The following NAV2 variants were observed in gnomAD, a reference collection of about 807,000 sequenced individuals.
The protein encoded by NAV2 is neuron navigator 2, also known as helicase, APC down-regulated 1.
NAV2 carries 54 observed loss-of-function variants against 223.2 expected under a neutral mutation model. That is an observed-to-expected ratio of 0.24 (90% CI 0.19 to 0.30). The LOEUF is 0.30. Among genes scored for constraint, NAV2 ranks in the 10% least tolerant of loss-of-function variants. The pLI is 1.00. For missense variants in NAV2, 2,806 were observed against 3,147.5 expected (o/e 0.89, Z 2.60); for synonymous variants, 1,279 against 1,239.3 (o/e 1.03, Z -0.67).
intron 11 of NAV2, among the ~76,000 whole-genome samples, chr11:19,990,231 A>C (rs902041554): frequency 6.6e-6 from 1 of 152,124 alleles, no homozygotes; most frequent in Non-Finnish European, 1.5e-5. Context: ...AGGGATGCCC[A>C]TTTGTGAATT....
intron 1 of NAV2, among the ~76,000 whole-genome samples, chr11:19,622,699 G>A (rs2047035792): frequency 6.6e-6 from 1 of 152,118 alleles, no homozygotes; most frequent in African/African-American, 2.4e-5. Flanking sequence ...GCACACTGAT[G>A]GGTCTTGACT....
At chr11:19,467,305 A>G (rs1778720560) in intron 1 of NAV2, among the ~76,000 whole-genome samples, 1 of 152,212 alleles carries the variant, frequency 6.6e-6, no homozygotes, top group Admixed American at 6.5e-5. Context: ...TCTATTGACT[A>G]CTGTCAGATA....
At chr11:20,058,545 T>C (rs974634939) in intron 19 of NAV2, among the ~76,000 whole-genome samples, 1 of 152,206 alleles carries the variant, frequency 6.6e-6, no homozygotes, top group African/African-American at 2.4e-5. Flanking sequence ...CAATCATCAC[T>C]AAGAGCTAAT....
At chr11:19,891,733 A>G (rs902386962) in intron 5 of NAV2, among the ~76,000 whole-genome samples, 16 of 152,234 alleles carry the variant, frequency 1.1e-4, no homozygotes, top group African/African-American at 3.9e-4. Flanking sequence ...AGTGGTAGTA[A>G]TTCACCTTCT....
At chr11:20,080,932 T>C (rs781238837) in intron 25 of NAV2, among the ~76,000 whole-genome samples, 1 of 152,226 alleles carries the variant, frequency 6.6e-6, no homozygotes, top group African/African-American at 2.4e-5. Context: ...CTTTAAAGGC[T>C]ACAGAGCTCT....
chr11:19,850,435 T>C (rs566632666), intron 3 of NAV2, among the ~76,000 whole-genome samples: 1 of 152,306 alleles, frequency 6.6e-6, no homozygotes, highest in Admixed American at 6.5e-5. Flanking sequence ...GATGGGTAGA[T>C]GGACAGACGG....
chr11:19,927,770 A>G (rs1196462565), intron 6 of NAV2, among the ~76,000 whole-genome samples: 4 of 152,216 alleles, frequency 2.6e-5, no homozygotes, highest in Non-Finnish European at 4.4e-5. Context: ...CTAGAGTAGC[A>G]TATATCAGAG....
chr11:19,390,214 T>A (rs1464937715), intron 1 of NAV2, among the ~76,000 whole-genome samples: 1 of 152,148 alleles, frequency 6.6e-6, no homozygotes, highest in East Asian at 1.9e-4. Flanking sequence ...CTGTGATGAT[T>A]CTGTTCTGGT....
chr11:19,401,400 G>A (rs1330251921), intron 1 of NAV2, among the ~76,000 whole-genome samples: 2 of 152,166 alleles, frequency 1.3e-5, no homozygotes, highest in Admixed American at 6.5e-5. Flanking sequence ...GTGTTGATAG[G>A]TAAATAAATA....
intron 11 of NAV2, among the ~76,000 whole-genome samples, chr11:20,018,880 C>CG (rs1393567127): frequency 6.6e-6 from 1 of 152,052 alleles, no homozygotes; most frequent in Non-Finnish European, 1.5e-5. Flanking sequence ...AGAAGTGGGC[C>CG]GCCAGTGGGA....
At chr11:19,635,655 T>G (rs1470468049) in intron 1 of NAV2, among the ~76,000 whole-genome samples, 1 of 152,180 alleles carries the variant, frequency 6.6e-6, no homozygotes, top group Non-Finnish European at 1.5e-5. Context: ...AAAGAAAAAC[T>G]TGTATTTATA....
At position 19,786,345 on chromosome 11, in the gene NAV2, G is replaced by A. The variant is rs558084042; in HGVS notation, c.268-46139G>A. 2.7e-4 allele frequency among the ~76,000 whole-genome samples: 41 copies of A among 152,308 alleles called. 1 individual carries two copies. The South Asian group carries it at 6.0e-3, about 22-fold the overall frequency. ...ACACCTGCTATAGCATCAGCACTGG[G>A]AAGTCAGCACTTTAGTCTCCATCAT... On this transcript the variant is annotated intron_variant, in intron 1 of 37. Transcript: ENST00000349880.
intron 1 of NAV2, chr11:19,511,763 C>A (rs961953222): frequency 5.3e-5 from 8 of 152,148 alleles, no homozygotes; most frequent in African/African-American, 1.7e-4. Flanking sequence ...CTCTTGTTGC[C>A]CGGGCCTGGG....
intron 1 of NAV2, among the ~76,000 whole-genome samples, chr11:19,455,698 G>A (rs1333992506): frequency 6.6e-6 from 1 of 152,202 alleles, no homozygotes; most frequent in Non-Finnish European, 1.5e-5. Context: ...GGAAGTGGAG[G>A]AGCTAGAATC....
At chr11:19,695,082 A>G (rs1030582293) in intron 1 of NAV2, among the ~76,000 whole-genome samples, 9 of 152,198 alleles carry the variant, frequency 5.9e-5, no homozygotes, top group Admixed American at 1.3e-4. Flanking sequence ...AGGCCAAGGG[A>G]CACACTGGCA....
intron 1 of NAV2, among the ~76,000 whole-genome samples, chr11:19,575,595 A>G (rs941560161): frequency 7.9e-5 from 12 of 152,116 alleles, no homozygotes; most frequent in African/African-American, 2.7e-4. Context: ...CTACCCCCCT[A>G]TGCAAGTACC....
intron 9 of NAV2, 71 bp downstream of exon 9, chr11:19,946,580 G>T (rs750291400): frequency 1.1e-5 from 14 of 1,301,582 alleles, no homozygotes; most frequent in Non-Finnish European, 1.3e-5. Flanking sequence ...GTTCATAGCA[G>T]TAGCAAAGCG....
chr11:19,913,030 G>A (rs1195586309), intron 6 of NAV2, among the ~76,000 whole-genome samples: 2 of 152,112 alleles, frequency 1.3e-5, no homozygotes, highest in African/African-American at 2.4e-5. Flanking sequence ...CATCAGAGTC[G>A]CCATGAAAGC....
At chr11:19,595,618 G>A (rs754536351) in intron 1 of NAV2, among the ~76,000 whole-genome samples, 12 of 151,528 alleles carry the variant, frequency 7.9e-5, no homozygotes, top group African/African-American at 1.9e-4. Context: ...GCAATGGCAC[G>A]ATCATGACTC....
Sources: gnomAD v4.1 joint callset for allele counts (sites outside exome capture counted in the v4.1 genomes callset) on GRCh38, gnomAD v4.1.1 for gene constraint, MANE v1.5 for transcripts, NCBI Gene and HGNC (gene_info 2026-07-23, HGNC 2026-07-21) for gene names.